ZNF777: variants seen among roughly 807,000 people sequenced by gnomAD.
ZNF777 encodes the protein zinc finger protein 777.
In ZNF777, 7 loss-of-function variants were observed where a neutral mutation model predicts 72.1. The ratio of observed to expected loss-of-function variants is 0.10; its 90% CI spans 0.06 to 0.18. The LOEUF is 0.18. Ranked by LOEUF, ZNF777 falls within the 10% of genes least tolerant of loss-of-function variation. The probability of loss-of-function intolerance (pLI) is 1.00; values close to 1 mark genes in which losing one functional copy is unlikely to be tolerated. For synonymous variants in ZNF777, 545 were observed against 483.5 expected (o/e 1.13, Z -1.67); for missense variants, 828 against 1,128.6 (o/e 0.73, Z 3.82).
chr7:149,459,349 CA>C (rs1190252332), intron 1 of ZNF777, among the ~76,000 whole-genome samples: 1 of 152,200 alleles, frequency 6.6e-6, no homozygotes, highest in African/African-American at 2.4e-5. Context: ...CATCAGCCCC[CA>C]ACCCCTGAGA....
At chr7:149,452,002 A>G (rs1448436042) in intron 3 of ZNF777, among the ~76,000 whole-genome samples, 1 of 152,250 alleles carries the variant, frequency 6.6e-6, no homozygotes, top group Non-Finnish European at 1.5e-5. Context: ...ACAGTGGCTC[A>G]CGCCTGTAAT....
At chr7:149,438,940 G>A (rs746808827) in intron 4 of ZNF777, among the ~76,000 whole-genome samples, 9 of 152,074 alleles carry the variant, frequency 5.9e-5, no homozygotes, top group Non-Finnish European at 1.2e-4. Context: ...GAAGACCTTT[G>A]ATTCCCTCAG....
intron 4 of ZNF777, among the ~76,000 whole-genome samples, chr7:149,442,149 G>A (rs1426434628): frequency 3.3e-5 from 5 of 150,558 alleles, no homozygotes; most frequent in African/African-American, 9.8e-5. Flanking sequence ...CCCGGGAGGC[G>A]GAGGTTGCAG....
At chr7:149,433,469 G>A (rs1464955691) in intron 5 of ZNF777, among the ~76,000 whole-genome samples, 2 of 152,206 alleles carry the variant, frequency 1.3e-5, no homozygotes, top group Non-Finnish European at 2.9e-5. Flanking sequence ...GCCCCTCTGA[G>A]GACATCTCTG....
chr7:149,432,483 G>C lies in ZNF777; in HGVS notation c.1789C>G (p.Arg597Gly), dbSNP rs1194513091. ...GGTGAGACGCAGCCTCCGCGCACGC[G>C]GTGGATGCGCTGGTGCAGCGTGAGC... is the stretch of plus-strand genomic sequence containing the variant. ...QQLTLHQRIH[R>G]VRGGCVSPER... is the part of the protein sequence containing the mutation. The change falls in exon 6 of 6, where the codon CGC becomes GGC. Residue 597 changes from arginine to glycine, a missense_variant. Physicochemically the swap from Arg to Gly is moderately radical, Grantham distance 125. This residue lies in a region of ZNF777 where 100 missense variants were observed against 106.2 expected (regional missense o/e 0.94). Transcript: ENST00000247930. The C allele has an allele frequency of 6.2e-7, 1 of 1,613,610 alleles. No individual in the cohort carries two copies.
intron 2 of ZNF777, among the ~76,000 whole-genome samples, 184 bp from the exon 3 acceptor site, chr7:149,454,421 A>C (rs1452408044): frequency 6.6e-6 from 1 of 152,188 alleles, no homozygotes; most frequent in Non-Finnish European, 1.5e-5. Flanking sequence ...CCTCCCCTTC[A>C]GGATATAATT....
intron 2 of ZNF777, among the ~76,000 whole-genome samples, chr7:149,454,610 A>C (rs1341429732): frequency 6.6e-6 from 1 of 152,224 alleles, no homozygotes; most frequent in Non-Finnish European, 1.5e-5. Context: ...TTTTCTCCCT[A>C]CATATGGCTG....
Position 149,441,553 on chromosome 7 carries a change from A to G in ZNF777, c.1088-4727T>C, listed in dbSNP as rs549478604. On this transcript the variant is annotated intron_variant, in intron 4 of 5. Transcript: ENST00000247930. ...ATAAATTTTGCTATAAATTGTTTTGAAAGGATTCTTGTAGCTTGCTGTTGC... is the reference window on the plus strand; with the variant it reads ...ATAAATTTTGCTATAAATTGTTTTGGAAGGATTCTTGTAGCTTGCTGTTGC... Among the ~76,000 whole-genome samples the G allele has an allele frequency of 3.9e-5, 6 of 152,348 alleles. 1 individual carries two copies. In the South Asian group the frequency reaches 1.2e-3, roughly 32 times the overall value.
Position 149,460,841 on chromosome 7 carries a change from C to G in ZNF777, c.-42G>C, listed in dbSNP as rs570358227. 1 of 152,336 alleles carries G rather than the reference C, an allele frequency of 6.6e-6. No individual in the cohort carries two copies. Among genetic ancestry groups the G allele is most frequent in the Admixed American group, 6.5e-5 (1 of 15,304 alleles). 9.4% of individuals were successfully genotyped at this position (152,336 alleles called of 1,614,324 possible). A position where few individuals can be genotyped will look rare whatever the true frequency, so the allele number is the denominator to read the frequency against. On this transcript the variant is annotated 5_prime_UTR_variant, in exon 1 of 6. Transcript: ENST00000247930. The surrounding 1 kb of genome is among the most constrained non-coding windows in gnomAD (Gnocchi z 6.1). ...TGGGGTCCTCGCCTGCCCAGGCACC[C>G]TCGGGCGAGGCCGGGAGGCGCGCGG... is the stretch of plus-strand genomic sequence containing the variant.
At chr7:149,459,847 G>A in intron 1 of ZNF777, 1 of 984,410 alleles carries the variant, frequency 1.0e-6, no homozygotes, top group Non-Finnish European at 1.2e-6. Flanking sequence ...CAGGGAGCGA[G>A]CGCGCCTCCG....
In ZNF777 at chr7:149,455,037, A is replaced by AT. The variant is rs771832861; in HGVS notation, c.846+139dup. On this transcript the variant is annotated intron_variant, in intron 2 of 5. Coordinates refer to ENST00000247930, the MANE Select transcript of ZNF777 (RefSeq NM_015694.3). This position sits in a 1 kb window ranked among gnomAD's most constrained non-coding sequence, Gnocchi z 4.2. ...TCTCATCAACAGGAGAAATAATTTGATTTTGGCATGTCCTAGCAACTGGGA... is the reference window on the plus strand; with the variant it reads ...TCTCATCAACAGGAGAAATAATTTGATTTTTGGCATGTCCTAGCAACTGGGA... The AT allele has an allele frequency of 5.5e-5, 59 of 1,063,210 alleles. No homozygotes were observed. Among genetic ancestry groups the AT allele is most frequent in the Non-Finnish European group, 7.8e-5 (57 of 733,528 alleles). The allele number at this position is 1,063,210 out of a possible 1,614,324, so 65.9% of individuals were successfully genotyped here. A position where few individuals can be genotyped will look rare whatever the true frequency, so the allele number is the denominator to read the frequency against.
chr7:149,436,544 C>G lies in ZNF777; in HGVS notation c.1339+31G>C, dbSNP rs1799413475. 1 of 1,559,524 alleles carries G rather than the reference C, an allele frequency of 6.4e-7. No homozygotes were observed. The highest frequency in any genetic ancestry group is 1.2e-5 in the South Asian group (1 of 86,094). ...GCCCTCTGGGAGGCCTCATGGCAAC[C>G]CTTCCCCGGCCGTCCCCGCCCAGCA... On this transcript the variant is annotated intron_variant, in intron 5 of 5. Coordinates refer to ENST00000247930, the MANE Select transcript of ZNF777 (RefSeq NM_015694.3). This position sits in a 1 kb window ranked among gnomAD's most constrained non-coding sequence, Gnocchi z 5.0.
intron 4 of ZNF777, among the ~76,000 whole-genome samples, chr7:149,447,826 T>C (rs1428788122): frequency 6.6e-6 from 1 of 152,190 alleles, no homozygotes; most frequent in Non-Finnish European, 1.5e-5. Flanking sequence ...ATGCTCTGCG[T>C]CTCAGCTTTG....
intron 1 of ZNF777, among the ~76,000 whole-genome samples, chr7:149,457,942 G>A (rs1365032237): frequency 6.6e-6 from 1 of 152,210 alleles, no homozygotes; most frequent in African/African-American, 2.4e-5. Context: ...TCCACAGCCT[G>A]CAGGCTACCT....
chr7:149,448,521 AGTT>A (rs1799650372), intron 4 of ZNF777, among the ~76,000 whole-genome samples: 4 of 139,190 alleles, frequency 2.9e-5, no homozygotes, highest in South Asian at 4.4e-4. Flanking sequence ...AACTATATAT[AGTT>A]ATACATATAG....
rs1022944565 is a variant in ZNF777 at position 149,436,914 on chromosome 7, C to T, written c.1088-88G>A. 2 of 1,479,992 alleles carry T rather than the reference C, an allele frequency of 1.4e-6. No individual in the cohort carries two copies. The highest frequency in any genetic ancestry group is 1.8e-6 in the Non-Finnish European group (2 of 1,089,908). The allele number at this position is 1,479,992 out of a possible 1,614,324, so 91.7% of individuals were successfully genotyped here. On this transcript the variant is annotated intron_variant, in intron 4 of 5. Transcript: ENST00000247930. This position sits in a 1 kb window ranked among gnomAD's most constrained non-coding sequence, Gnocchi z 5.0. ...CAGGTTTCTGCAGCCCTACAATTTA[C>T]ATCTCAATAAGTCTTATCTTAGAGA...
intron 5 of ZNF777, among the ~76,000 whole-genome samples, chr7:149,433,242 G>A (rs994573785): frequency 2.6e-5 from 4 of 152,200 alleles, no homozygotes; most frequent in Non-Finnish European, 5.9e-5. Flanking sequence ...TGGTTATGAT[G>A]CGAAACTGCT....
intron 1 of ZNF777, chr7:149,459,818 G>T: frequency 1.0e-6 from 1 of 984,816 alleles, no homozygotes; most frequent in Non-Finnish European, 1.2e-6. Flanking sequence ...CTACCCCGAC[G>T]GACGCAGCGC....
At chr7:149,437,832 G>T (rs1799444947) in intron 4 of ZNF777, among the ~76,000 whole-genome samples, 1 of 128,240 alleles carries the variant, frequency 7.8e-6, no homozygotes, top group Non-Finnish European at 1.6e-5. Flanking sequence ...GTCACTATTG[G>T]CCTCTTCTGT....
Sources: gnomAD v4.1 joint callset for allele counts (sites outside exome capture counted in the v4.1 genomes callset) on GRCh38, gnomAD v4.1.1 for gene constraint, gnomAD v4.1.1 regional missense constraint, Gnocchi (gnomAD v3.1) non-coding constraint, MANE v1.5 for transcripts, NCBI Gene and HGNC (gene_info 2026-07-23, HGNC 2026-07-21) for gene names.